The following ZNF185 variants were observed in gnomAD, a reference collection of about 807,000 sequenced individuals.
ZNF185 encodes the protein zinc finger protein 185.
A neutral mutation model predicts 58.6 loss-of-function variants in ZNF185; 56 were observed. The observed-to-expected ratio is 0.95, with a 90% CI of 0.77 to 1.19. The LOEUF (loss-of-function observed/expected upper bound fraction) is 1.19. Among genes scored for constraint, ZNF185 ranks in the 50% most tolerant of loss-of-function variants. ZNF185 has a pLI of 0.00. For missense variants in ZNF185, 627 were observed against 573.5 expected (o/e 1.09, Z -0.95); for synonymous variants, 230 against 215.9 (o/e 1.07, Z -0.57).
At chrX:152,920,278 A>T in intron 7 of ZNF185, 50 bp from the exon 9 acceptor site, 1 of 1,159,272 alleles carries the variant, frequency 8.6e-7, no homozygotes, top group Non-Finnish European at 1.2e-6. Flanking sequence ...CTGGCAGAGC[A>T]TGTCCAGCTT....
exon 17 of ZNF185, chrX:152,959,725 A>T: frequency 8.3e-7 from 1 of 1,211,605 alleles, no homozygotes; most frequent in Non-Finnish European, 1.1e-6. Context: ...GAGGGGAAGG[A>T]TGTGGCCACC....
At chrX:152,917,323 C>T in exon 5 of ZNF185, 1 of 1,211,826 alleles carries the variant, frequency 8.3e-7, no homozygotes, top group Non-Finnish European at 1.1e-6. Context: ...TCTTCCCAGC[C>T]CCAGCAGCAG....
chrX:152,914,885 G>A lies in ZNF185; in HGVS notation c.158+52G>A, dbSNP rs189523110. 66 of 1,145,610 alleles carry A rather than the reference G, an allele frequency of 5.8e-5. No individual in the cohort carries two copies. In the African/African-American group the frequency reaches 1.0e-3, roughly 18 times the overall value. 94.4% of individuals were successfully genotyped at this position (1,145,610 alleles called of 1,213,427 possible). A position where few individuals can be genotyped will look rare whatever the true frequency, so the allele number is the denominator to read the frequency against. ...GCAGCAACGTGGGGGCGCGCAATCC[G>A]TGGGGGACCGACCATACCTGGGGAT... On this transcript the variant is annotated intron_variant, in intron 2 of 22. Coordinates refer to ENST00000449285, the Ensembl canonical transcript of ZNF185.
chrX:152,932,367 C>T (rs1942160140), intron 13 of ZNF185, among the ~76,000 whole-genome samples: 1 of 112,492 alleles, frequency 8.9e-6, no homozygotes, highest in Non-Finnish European at 1.9e-5. Flanking sequence ...AGTCGCTGCA[C>T]AGCCAGCCCA....
At chrX:152,953,247 C>T (rs918362391) in intron 16 of ZNF185, among the ~76,000 whole-genome samples, 1 of 111,858 alleles carries the variant, frequency 8.9e-6, no homozygotes, top group African/African-American at 3.3e-5. Flanking sequence ...GAGTCCTGCT[C>T]AACAGAGTCA....
intron 15 of ZNF185, among the ~76,000 whole-genome samples, chrX:152,944,740 T>G (rs1430436076): frequency 8.9e-6 from 1 of 112,280 alleles, no homozygotes; most frequent in Non-Finnish European, 1.9e-5. Context: ...GGCACATGCC[T>G]GTAATCCCTG....
chrX:152,902,650 TC>T, the ZNF185 span, among the ~76,000 whole-genome samples: 3 of 112,438 alleles, frequency 2.7e-5, no homozygotes, highest in East Asian at 8.4e-4. Flanking sequence ...GCTAGGCCGA[TC>T]CCCCCAGCAC....
exon 13 of ZNF185, chrX:152,931,675 T>C (rs782430219): frequency 8.3e-7 from 1 of 1,208,107 alleles, no homozygotes; most frequent in South Asian, 1.8e-5. Context: ...TCCATAGGTC[T>C]TCCCCAGGCA....
intron 17 of ZNF185, among the ~76,000 whole-genome samples, chrX:152,961,138 A>G (rs1163462804): frequency 8.9e-6 from 1 of 112,172 alleles, no homozygotes; most frequent in Non-Finnish European, 1.9e-5. Flanking sequence ...TCCCAGTTCC[A>G]GGTCATTCCC....
At chrX:152,945,190 AG>A (rs1245202318) in intron 15 of ZNF185, 76 bp from the exon 18 acceptor site, 2 of 1,075,964 alleles carry the variant, frequency 1.9e-6, no homozygotes, top group Non-Finnish European at 2.5e-6. Flanking sequence ...AGGAGGTGAC[AG>A]CCAGCTTGCG....
upstream of ZNF185, among the ~76,000 whole-genome samples, chrX:152,909,742 G>T (rs1159817287): frequency 1.8e-5 from 2 of 112,230 alleles, no homozygotes; most frequent in African/African-American, 6.5e-5. Flanking sequence ...GCACTGCGTG[G>T]CCCAAAGCAG....
chrX:152,969,896 A>G (rs1332203039), intron 21 of ZNF185, among the ~76,000 whole-genome samples: 2 of 112,316 alleles, frequency 1.8e-5, no homozygotes, highest in Non-Finnish European at 3.8e-5. Flanking sequence ...ATTCTAAGTG[A>G]CATTGGGGTC....
chrX:152,904,239 C>T, the ZNF185 span, among the ~76,000 whole-genome samples: 3 of 112,214 alleles, frequency 2.7e-5, no homozygotes, highest in African/African-American at 9.7e-5. Context: ...GGGAGCTGCA[C>T]GCTGAGCAGC....
chrX:152,929,796 C>G (rs1941610638), intron 12 of ZNF185, among the ~76,000 whole-genome samples: 1 of 112,274 alleles, frequency 8.9e-6, no homozygotes, highest in South Asian at 3.7e-4. Flanking sequence ...GCAGAAAGCC[C>G]TGCAAAGCCC....
intron 16 of ZNF185, among the ~76,000 whole-genome samples, chrX:152,947,114 C>G (rs1556895914): frequency 3.6e-5 from 4 of 112,197 alleles, no homozygotes; most frequent in Non-Finnish European, 7.5e-5. Flanking sequence ...GGCGTGGTGG[C>G]TCACACCTGT....
intron 5 of ZNF185, among the ~76,000 whole-genome samples, 199 bp downstream of exon 6, chrX:152,917,561 A>C (rs954683649): frequency 5.4e-5 from 6 of 111,396 alleles, no homozygotes; most frequent in Non-Finnish European, 1.1e-4. Context: ...GGCAGTCCCA[A>C]GTGGATGTGT....
At position 152,936,844 on chromosome X, in the gene ZNF185, A is replaced by G. The variant is rs1603256093; in HGVS notation, c.1122-1230A>G. On this transcript the variant is annotated intron_variant, in intron 14 of 22. Coordinates refer to ENST00000449285, the Ensembl canonical transcript of ZNF185. ...GTCTCAGAGAACCTCTGCTGTAGGGACTACAGCCAGGTTTAGCAAGCAGGA... is the reference window on the plus strand; with the variant it reads ...GTCTCAGAGAACCTCTGCTGTAGGGGCTACAGCCAGGTTTAGCAAGCAGGA... 2.7e-5 allele frequency among the ~76,000 whole-genome samples: 3 copies of G among 110,266 alleles called. No homozygotes were observed. The Admixed American group carries it at 2.9e-4, about 11-fold the overall frequency.
intron 10 of ZNF185, 59 bp downstream of exon 11, chrX:152,922,315 C>A: frequency 9.3e-7 from 1 of 1,073,273 alleles, no homozygotes; most frequent in Non-Finnish European, 1.3e-6. Context: ...GCCACTCAGT[C>A]ACTGAGGAAC....
chrX:152,958,569 A>C (rs1301862151), intron 16 of ZNF185, among the ~76,000 whole-genome samples: 2 of 110,451 alleles, frequency 1.8e-5, no homozygotes, highest in Non-Finnish European at 3.8e-5. Context: ...CAGCCTGGCC[A>C]ACAAGGTGAA....
Sources: gnomAD v4.1 joint callset for allele counts (sites outside exome capture counted in the v4.1 genomes callset) on GRCh38, gnomAD v4.1.1 for gene constraint, MANE v1.5 for transcripts, NCBI Gene and HGNC (gene_info 2026-07-23, HGNC 2026-07-21) for gene names.